Variants in TECPR2 observed in about 807,000 individuals in gnomAD.
TECPR2 encodes the protein tectonin beta-propeller repeat-containing protein 2.
A neutral mutation model predicts 138.1 loss-of-function variants in TECPR2; 65 were observed. That is an observed-to-expected ratio of 0.47 (90% CI 0.39 to 0.58). TECPR2 has a LOEUF of 0.58. Ranked by LOEUF, TECPR2 falls within the 20% of genes least tolerant of loss-of-function variation. The pLI, the probability that TECPR2 is intolerant of heterozygous loss-of-function variation, is 0.00. For synonymous variants in TECPR2, 746 were observed against 749.8 expected (o/e 0.99, Z 0.08); for missense variants, 1,553 against 1,824.5 (o/e 0.85, Z 2.71).
rs1465840277 is a variant in TECPR2 at position 102,498,472 on chromosome 14, G to A, written c.*215G>A. 4.1e-5 allele frequency: 26 copies of A among 640,472 alleles called. No homozygotes were observed. Among genetic ancestry groups the A allele is most frequent in the Admixed American group, 2.4e-4 (8 of 33,240 alleles). 39.7% of individuals were successfully genotyped at this position (640,472 alleles called of 1,614,324 possible). A position where few individuals can be genotyped will look rare whatever the true frequency, so the allele number is the denominator to read the frequency against. The stretch of plus-strand genomic sequence containing the variant: ...CTGGCGTGATTGCTGCAGCAGTGGC[G>A]CCTCCTAGCTCAGGACAGTGGCGAC... On this transcript the variant is annotated 3_prime_UTR_variant, in exon 20 of 20. Coordinates refer to ENST00000359520, the MANE Select transcript of TECPR2 (RefSeq NM_014844.5).
chr14:102,447,550 T>C (rs1444261353), intron 13 of TECPR2, among the ~76,000 whole-genome samples: 1 of 152,200 alleles, frequency 6.6e-6, no homozygotes, highest in Non-Finnish European at 1.5e-5. Flanking sequence ...GTTTCTTTTT[T>C]TTGAGACGGA....
At chr14:102,449,238 G>T (rs1310829460) in intron 13 of TECPR2, among the ~76,000 whole-genome samples, 1 of 152,252 alleles carries the variant, frequency 6.6e-6, no homozygotes, top group East Asian at 1.9e-4. Flanking sequence ...GAGCAAGACT[G>T]TCTCAGAAAA....
intron 1 of TECPR2, among the ~76,000 whole-genome samples, chr14:102,371,211 G>A (rs1279575388): frequency 6.6e-6 from 1 of 152,172 alleles, no homozygotes; most frequent in African/African-American, 2.4e-5. Context: ...CTGAGACCTG[G>A]GGGTTGGGTG....
At chr14:102,418,986 G>A (rs1450787395) in intron 5 of TECPR2, among the ~76,000 whole-genome samples, 6 of 152,084 alleles carry the variant, frequency 3.9e-5, no homozygotes, top group Non-Finnish European at 5.9e-5. Flanking sequence ...CTGTGGCCCC[G>A]CCATGTCCTC....
intron 17 of TECPR2, among the ~76,000 whole-genome samples, chr14:102,488,838 G>C (rs1233465941): frequency 2.0e-5 from 3 of 150,994 alleles, no homozygotes; most frequent in African/African-American, 7.3e-5. Context: ...CAGTACATTT[G>C]CAATGTTGTG....
At position 102,415,280 on chromosome 14, in the gene TECPR2, C is replaced by G. The variant is rs947759754; in HGVS notation, c.638+487C>G. On this transcript the variant is annotated intron_variant, in intron 5 of 19. Coordinates refer to ENST00000359520, the MANE Select transcript of TECPR2 (RefSeq NM_014844.5). This position sits in a 1 kb window ranked among gnomAD's most constrained non-coding sequence, Gnocchi z 4.3. ...AAACACAGATAGAACACTTGTTGAC[C>G]ACTGTGTCAGCTGCTGTGGACCAAA... Among the ~76,000 whole-genome samples the G allele has an allele frequency of 6.6e-6, 1 of 152,188 alleles. No individual in the cohort carries two copies. Among genetic ancestry groups the G allele is most frequent in the African/African-American group, 2.4e-5 (1 of 41,434 alleles).
chr14:102,407,051 G>T (rs1455444651), intron 2 of TECPR2, among the ~76,000 whole-genome samples: 4 of 152,134 alleles, frequency 2.6e-5, no homozygotes, highest in African/African-American at 9.7e-5. Context: ...GTAGAGACGG[G>T]GTTTCGCCAT....
rs956791497 is a variant in TECPR2 at position 102,443,767 on chromosome 14, A to C, written c.2873A>C (p.Tyr958Ser). Residue 958 changes from tyrosine to serine, a missense_variant, in exon 12 of 20, where the codon TAC (tyrosine) becomes TCC (serine). Coordinates refer to ENST00000359520, the MANE Select transcript of TECPR2 (RefSeq NM_014844.5). The surrounding 1 kb of genome is among the most constrained non-coding windows in gnomAD (Gnocchi z 4.9). Reference protein sequence around the residue: ...WALTEQRALLYREGVSSFCPE... With the variant: ...WALTEQRALLSREGVSSFCPE... ...CTGACAGAGCAGAGGGCCCTCCTGT[A>C]CCGGGAGGGCGTGAGCAGCTTCTGT... The C allele has an allele frequency of 2.5e-6, 4 of 1,609,754 alleles. No individual in the cohort carries two copies. The East Asian group carries it at 8.9e-5, about 36-fold the overall frequency.
intron 4 of TECPR2, among the ~76,000 whole-genome samples, chr14:102,412,308 A>AT (rs1298430543): frequency 4.6e-5 from 7 of 151,550 alleles, no homozygotes; most frequent in African/African-American, 1.2e-4. Flanking sequence ...ATTTTTTTGT[A>AT]TTTTTATAGA....
chr14:102,438,230 C>A (rs749578922), intron 10 of TECPR2, 25 bp downstream of exon 10: 2 of 1,584,298 alleles, frequency 1.3e-6, no homozygotes, highest in East Asian at 2.2e-5. Context: ...TCCCTGCTCC[C>A]GCTCCCTGCT....
At chr14:102,452,364 C>A in intron 15 of TECPR2, 30 bp from the exon 16 acceptor site, 1 of 1,590,922 alleles carries the variant, frequency 6.3e-7, no homozygotes, top group South Asian at 1.1e-5. Flanking sequence ...CAGACAACAC[C>A]TCGATGACAA....
intron 19 of TECPR2, 29 bp downstream of exon 19, chr14:102,497,748 G>T (rs929839224): frequency 3.2e-6 from 5 of 1,567,932 alleles, no homozygotes; most frequent in South Asian, 2.3e-5. Context: ...TGGGCTTAAG[G>T]CCCCTTGGGG....
At chr14:102,466,838 C>T (rs997156962) in intron 17 of TECPR2, among the ~76,000 whole-genome samples, 10 of 152,196 alleles carry the variant, frequency 6.6e-5, no homozygotes, top group African/African-American at 1.9e-4. Flanking sequence ...CCAGCCCCTC[C>T]GCCCATGGCA....
At chr14:102,442,355 C>T (rs1889858513) in intron 11 of TECPR2, among the ~76,000 whole-genome samples, 1 of 152,254 alleles carries the variant, frequency 6.6e-6, no homozygotes, top group Non-Finnish European at 1.5e-5. Context: ...TGGCTCTCTC[C>T]TAGCTGTGTA....
At position 102,431,784 on chromosome 14, in the gene TECPR2, C is replaced by T. The variant is rs373585923; in HGVS notation, c.1085-12C>T. On this transcript the variant is annotated splice_polypyrimidine_tract_variant and intron_variant, in intron 7 of 19. Transcript: ENST00000359520. Reference sequence around the variant, plus strand: ...GGATCACCAGTGGTAAAACCAGACTCTTCTTTCTTAGTGAGAGATGGTCTG... The same window carrying T: ...GGATCACCAGTGGTAAAACCAGACTTTTCTTTCTTAGTGAGAGATGGTCTG... The T allele has an allele frequency of 2.9e-5, 45 of 1,535,824 alleles. No individual in the cohort carries two copies. The African/African-American group carries it at 5.0e-4, about 17-fold the overall frequency.
At position 102,412,468 on chromosome 14, in the gene TECPR2, C is replaced by A. The variant is rs547242944; in HGVS notation, c.481-2168C>A. Among the ~76,000 whole-genome samples the A allele has an allele frequency of 3.3e-5, 5 of 152,250 alleles. No individual in the cohort carries two copies. The East Asian group carries it at 7.7e-4, about 24-fold the overall frequency. ...TAATACAATATCAAAAAAATACCTTCATTAACATCAACATCATTGTAATCG... is the reference window on the plus strand; with the variant it reads ...TAATACAATATCAAAAAAATACCTTAATTAACATCAACATCATTGTAATCG... On this transcript the variant is annotated intron_variant, in intron 4 of 19. Coordinates refer to ENST00000359520, the MANE Select transcript of TECPR2 (RefSeq NM_014844.5).
intron 2 of TECPR2, among the ~76,000 whole-genome samples, chr14:102,379,331 C>T (rs1454077831): frequency 6.6e-6 from 1 of 151,808 alleles, no homozygotes; most frequent in African/African-American, 2.4e-5. Context: ...GTCCTAGTCA[C>T]ACTGCTAAAG....
At position 102,407,327 on chromosome 14, in the gene TECPR2, C is replaced by T. The variant is rs369431967; in HGVS notation, c.220-11C>T. On this transcript the variant is annotated splice_polypyrimidine_tract_variant and intron_variant, in intron 2 of 19. Coordinates refer to ENST00000359520, the MANE Select transcript of TECPR2 (RefSeq NM_014844.5). ...TAGTTACAGATTCATTTGTTTTCAA[C>T]GTTTCCCCAGGGGAAGACGGAATCT... 181 of 1,586,280 alleles carry T rather than the reference C, an allele frequency of 1.1e-4. No individual in the cohort carries two copies. Among genetic ancestry groups the T allele is most frequent in the Non-Finnish European group, 1.2e-4 (146 of 1,169,058 alleles).
chr14:102,468,569 A>G (rs779638792), intron 17 of TECPR2, among the ~76,000 whole-genome samples: 1 of 152,178 alleles, frequency 6.6e-6, no homozygotes, highest in Non-Finnish European at 1.5e-5. Context: ...ATTTTCTTCC[A>G]TTCTGTGCAT....
Sources: allele counts gnomAD v4.1 joint callset (sites outside exome capture counted in the v4.1 genomes callset), GRCh38; gene constraint gnomAD v4.1.1; non-coding constraint Gnocchi (gnomAD v3.1); transcripts MANE v1.5; gene names NCBI Gene and HGNC (gene_info 2026-07-23, HGNC 2026-07-21).